MYH1: variants seen among roughly 807,000 people sequenced by gnomAD.
MYH1 encodes myosin-1.
A neutral mutation model predicts 225.6 loss-of-function variants in MYH1; 214 were observed. The ratio of observed to expected loss-of-function variants is 0.95; its 90% CI spans 0.85 to 1.06. The LOEUF (loss-of-function observed/expected upper bound fraction) is 1.06. MYH1 is among the 50% of genes least tolerant of loss of function. The pLI, the probability that MYH1 is intolerant of heterozygous loss-of-function variation, is 0.00. For missense variants in MYH1, 2,098 were observed against 2,344.2 expected (o/e 0.89, Z 2.17); for synonymous variants, 774 against 842.3 (o/e 0.92, Z 1.40).
Position 10,500,769 on chromosome 17 carries a change from GT to G in MYH1, c.3739-18del. ...AAGGTTTCCCTGCATTCAAAAAGTG[GT>G]AGAAGGCATCTCAAGTAAGTAGTTG... On this transcript the variant is annotated intron_variant, in intron 27 of 39. Transcript: ENST00000226207. 6.2e-7 allele frequency: 1 copy of G among 1,614,070 alleles called. No individual in the cohort carries two copies. The highest frequency in any genetic ancestry group is 1.3e-5 in the African/African-American group (1 of 75,042).
In MYH1 at chr17:10,492,480, G is replaced by T. The variant is rs536586200; in HGVS notation, c.5756C>A (p.Ser1919Tyr). The T allele has an allele frequency of 1.1e-5, 17 of 1,614,120 alleles. 1 individual carries two copies. In the South Asian group the frequency reaches 1.8e-4, roughly 17 times the overall value. The stretch of plus-strand genomic sequence containing the variant: ...CTTCACCCTCAGCTTGTTGACCTGG[G>T]ACTCAGCAATGTCAGCCCGTTCCTC... ...EAEERADIAE[S>Y]QVNKLRVKSR... The change falls in exon 40 of 40, where the codon TCC (serine) becomes TAC (tyrosine). Residue 1919 changes from serine to tyrosine, a missense_variant. Physicochemically the swap from Ser to Tyr is moderately radical, Grantham distance 144. Transcript: ENST00000226207.
At chr17:10,511,608 A>G (rs1230557760) in intron 14 of MYH1, among the ~76,000 whole-genome samples, 1 of 152,182 alleles carries the variant, frequency 6.6e-6, no homozygotes, top group Non-Finnish European at 1.5e-5. Context: ...TACAATTCTC[A>G]TTATTACACA....
rs1395491995 is a variant in MYH1 at position 10,512,763 on chromosome 17, T to G, written c.926A>C (p.Asn309Thr). The change falls in exon 11 of 40, where the codon AAC (asparagine) becomes ACC (threonine). Residue 309 changes from asparagine to threonine, a missense_variant. By Grantham distance (65) the Asn-to-Thr change is moderately conservative (BLOSUM62 0). Coordinates refer to ENST00000226207, the MANE Select transcript of MYH1 (RefSeq NM_005963.4). ...DLIEMLLITTNPYDYAFVSQG... is the reference protein window; with the variant it reads ...DLIEMLLITTTPYDYAFVSQG... ...ACTGACGAAGGCATAATCGTATGGG[T>G]TGGTGGTGATCAGGAGCATTTCTGG... 1 of 1,614,038 alleles carries G rather than the reference T, an allele frequency of 6.2e-7. No individual in the cohort carries two copies. The highest frequency in any genetic ancestry group is 1.7e-5 in the Admixed American group (1 of 60,012).
rs577158105 is a variant in MYH1, at chr17:10,502,017, A to C, written c.3112-106T>G. 9.7e-5 allele frequency: 111 copies of C among 1,146,766 alleles called. No homozygotes were observed. The African/African-American group carries it at 1.6e-3, about 17-fold the overall frequency. 71.0% of individuals were successfully genotyped at this position (1,146,766 alleles called of 1,614,324 possible). On this transcript the variant is annotated intron_variant, in intron 24 of 39. Coordinates refer to ENST00000226207, the MANE Select transcript of MYH1 (RefSeq NM_005963.4). ...TATGCAGCAAACTATTTTTCTATGA[A>C]TTAGGCAGATTTGTCCCATTGATTC...
At chr17:10,494,162 T>C (rs1314697860) in intron 39 of MYH1, among the ~76,000 whole-genome samples, 192 bp downstream of exon 39, 2 of 152,214 alleles carry the variant, frequency 1.3e-5, no homozygotes, top group Non-Finnish European at 2.9e-5. Flanking sequence ...GCTTTGCATT[T>C]GCTCTTCCCC....
Position 10,516,593 on chromosome 17 carries a change from A to G in MYH1, c.50T>C (p.Leu17Pro), listed in dbSNP as rs2073231961. 1 of 1,614,148 alleles carries G rather than the reference A, an allele frequency of 6.2e-7. No homozygotes were observed. The change falls in exon 3 of 40, where the codon CTC (leucine) becomes CCC (proline). Residue 17 changes from leucine to proline, a missense_variant. Transcript: ENST00000226207. The part of the protein sequence containing the change: ...MAIFGEAAPF[L>P]RKSERERIEA... ...AATTCGCTCCCTTTCAGACTTTCGG[A>G]GGAAAGGAGCAGCCTCCCCAAAAAT...
rs2073098504 is a variant in MYH1, at chr17:10,505,239, G to T, written c.2359C>A (p.Gln787Lys). The T allele has an allele frequency of 6.2e-7, 1 of 1,614,194 alleles. No individual in the cohort carries two copies. ...ATGGCCTGGGTTCGGGTAATCAGCT[G>T]GGCCAGCTTCTCATCTCGCATCTCC... ...LEEMRDEKLAQLITRTQAMCR... is the reference protein window; with the variant it reads ...LEEMRDEKLAKLITRTQAMCR... The change falls in exon 21 of 40, where the codon CAG becomes AAG. Residue 787 changes from glutamine to lysine, a missense_variant. By Grantham distance (53) the Gln-to-Lys change is moderately conservative. Coordinates refer to ENST00000226207, the MANE Select transcript of MYH1 (RefSeq NM_005963.4).
intron 5 of MYH1, among the ~76,000 whole-genome samples, chr17:10,515,386 C>A (rs980437124): frequency 2.0e-5 from 3 of 152,132 alleles, no homozygotes; most frequent in Admixed American, 6.5e-5. Context: ...AAAATAAAAT[C>A]TTTCTAAGGG....
chr17:10,497,501 G>T (rs2073009299), intron 31 of MYH1, 49 bp from the exon 32 acceptor site: 2 of 1,571,524 alleles, frequency 1.3e-6, no homozygotes, highest in Non-Finnish European at 8.6e-7. Flanking sequence ...AATTTGATGA[G>T]ATAAAAACCA....
rs757851801 is a variant in MYH1, at chr17:10,492,514, C to G, written c.5722G>C (p.Glu1908Gln). 2 of 1,614,160 alleles carry G rather than the reference C, an allele frequency of 1.2e-6. No homozygotes were observed. The highest frequency in any genetic ancestry group is 1.7e-6 in the Non-Finnish European group (2 of 1,180,014). The change falls in exon 40 of 40, where the codon GAG (glutamate) becomes CAG (glutamine). Residue 1908 changes from glutamate (E) to glutamine (Q), a missense_variant. Transcript: ENST00000226207. ...ATGTCAGCCCGTTCCTCGGCCTCCT[C>G]CAGCTCGTGCTGGATCCTGCGGAAT... is the stretch of plus-strand genomic sequence containing the variant. ...SKFRRIQHELEEAEERADIAE... is the reference protein window; with the variant it reads ...SKFRRIQHELQEAEERADIAE...
Position 10,505,593 on chromosome 17 carries a change from C to T in MYH1, c.2175-82G>A. ...TGTCTGGCTATAGAAACAACATAGCCACTGGGTAATCTGAAATAAACAAGA... is the reference window on the plus strand; with the variant it reads ...TGTCTGGCTATAGAAACAACATAGCTACTGGGTAATCTGAAATAAACAAGA... On this transcript the variant is annotated intron_variant, in intron 19 of 39. Coordinates refer to ENST00000226207, the MANE Select transcript of MYH1 (RefSeq NM_005963.4). The T allele has an allele frequency of 4.0e-6, 6 of 1,517,484 alleles. No individual in the cohort carries two copies. In the South Asian group the frequency reaches 7.4e-5, roughly 19 times the overall value. 94.0% of individuals were successfully genotyped at this position (1,517,484 alleles called of 1,614,324 possible).
Position 10,502,772 on chromosome 17 carries a change from T to A in MYH1, c.3077A>T (p.Lys1026Ile). ...TTGTTGTTCAAGTTTGATTTTAGCT[T>A]TGGTCAGGGTGTTGACTTTGTCCTC... The part of the protein sequence containing the change: ...AEEDKVNTLT[K>I]AKIKLEQQVD... The change falls in exon 24 of 40, where the codon AAA (lysine) becomes ATA (isoleucine). Residue 1026 changes from lysine (K) to isoleucine (I), a missense_variant. By Grantham distance (102) the Lys-to-Ile change is moderately radical. Transcript: ENST00000226207. 6.2e-7 allele frequency: 1 copy of A among 1,614,178 alleles called. No individual in the cohort carries two copies. Among genetic ancestry groups the A allele is most frequent in the Non-Finnish European group, 8.5e-7 (1 of 1,180,022 alleles).
chr17:10,517,728 G>GTA (rs1275598733), intron 2 of MYH1, among the ~76,000 whole-genome samples: 102 of 151,810 alleles, frequency 6.7e-4, no homozygotes, highest in African/African-American at 2.3e-3. Context: ...GTGTGTGTGT[G>GTA]TATATATTCG....
intron 37 of MYH1, 86 bp downstream of exon 37, chr17:10,494,845 C>A (rs553834485): frequency 6.2e-7 from 1 of 1,609,502 alleles, no homozygotes; most frequent in African/African-American, 1.3e-5. Flanking sequence ...TCTCAGTATG[C>A]CCCACATCAT....
chr17:10,497,205 C>T lies in MYH1; in HGVS notation c.4532-12G>A, dbSNP rs3764851. ...ATCAGAAATCTCCTCTGTTGGTGAA[C>T]AAAAAATATAGAAATTTGTTTATAG... On this transcript the variant is annotated splice_polypyrimidine_tract_variant and intron_variant, in intron 32 of 39. Transcript: ENST00000226207. The T allele has an allele frequency of 0.056, 89,297 of 1,598,446 alleles. 2,950 individuals are homozygous for T. The highest frequency in any genetic ancestry group is 0.11 in the South Asian group (9,653 of 87,088).
At chr17:10,508,230 G>T in intron 16 of MYH1, 133 bp downstream of exon 16, 2 of 1,033,476 alleles carry the variant, frequency 1.9e-6, no homozygotes, top group South Asian at 1.7e-5. Flanking sequence ...TGTTGACCGG[G>T]CTGGTCTTGA....
chr17:10,496,241 C>T lies in MYH1; in HGVS notation c.4965G>A (p.Lys1655=). The T allele has an allele frequency of 6.2e-7, 1 of 1,614,124 alleles. No individual in the cohort carries two copies. The highest frequency in any genetic ancestry group is 8.5e-7 in the Non-Finnish European group (1 of 1,180,034). ...GGGATCATCTGTTGGACATATTTAC[C>T]TTGAGGATGGCTTGGGTGTTCCTAT... The part of the protein sequence containing the change: ...RNYRNTQAIL[K]DTQLHLDDAL... Residue 1655 remains lysine (K), a splice_region_variant and synonymous_variant, in exon 34 of 40, where the codon AAG becomes AAA. Transcript: ENST00000226207.
At chr17:10,514,729 T>G (rs2073208028) in intron 6 of MYH1, 139 bp downstream of exon 6, 2 of 772,930 alleles carry the variant, frequency 2.6e-6, no homozygotes, top group Admixed American at 2.3e-5. Context: ...GTAAACCTTA[T>G]AATAAAGCTA....
Position 10,495,329 on chromosome 17 carries a change from G to A in MYH1, c.5170-12C>T. On this transcript the variant is annotated splice_polypyrimidine_tract_variant and intron_variant, in intron 35 of 39. Coordinates refer to ENST00000226207, the MANE Select transcript of MYH1 (RefSeq NM_005963.4). The stretch of plus-strand genomic sequence containing the variant: ...ATCAGGCTGGTGTTCTGTTTAAAAT[G>A]TGAAATTTAGAAATATTAGGCACAT... The A allele has an allele frequency of 6.2e-7, 1 of 1,613,818 alleles. No homozygotes were observed. The highest frequency in any genetic ancestry group is 8.5e-7 in the Non-Finnish European group (1 of 1,179,946).
Sources: gnomAD v4.1 joint callset for allele counts (sites outside exome capture counted in the v4.1 genomes callset) on GRCh38, gnomAD v4.1.1 for gene constraint, MANE v1.5 for transcripts, NCBI Gene and HGNC (gene_info 2026-07-23, HGNC 2026-07-21) for gene names.